The following COL8A1 variants were observed in gnomAD, a reference collection of about 807,000 sequenced individuals.
COL8A1 encodes the protein collagen alpha-1(VIII) chain.
A neutral mutation model predicts 42.7 loss-of-function variants in COL8A1; 21 were observed. The ratio of observed to expected loss-of-function variants is 0.49; its 90% CI spans 0.35 to 0.71. The LOEUF (loss-of-function observed/expected upper bound fraction) is 0.71. COL8A1 is among the 30% of genes least tolerant of loss of function. The pLI is 0.01. For missense variants in COL8A1, 788 were observed against 962.4 expected (o/e 0.82, Z 2.40); for synonymous variants, 367 against 369.1 (o/e 0.99, Z 0.06).
At chr3:99,722,287 G>A (rs1388975361) in intron 1 of COL8A1, among the ~76,000 whole-genome samples, 1 of 152,014 alleles carries the variant, frequency 6.6e-6, no homozygotes, top group African/African-American at 2.4e-5. Flanking sequence ...CTTTCCAGTG[G>A]CATAAAATCT....
chr3:99,653,116 T>G (rs1477369603), intron 1 of COL8A1, among the ~76,000 whole-genome samples: 1 of 152,260 alleles, frequency 6.6e-6, no homozygotes, highest in Admixed American at 6.5e-5. Context: ...AAGTGTCTGC[T>G]AGTCAGAAGG....
At position 99,674,017 on chromosome 3, in the gene COL8A1, T is replaced by C. The variant is rs961381662; in HGVS notation, c.-129+35353T>C. ...CATGAGGTCTTTTTGCACAGACATC[T>C]CCATAACCTAGCCCAATGATTTCAT... is the stretch of plus-strand genomic sequence containing the variant. On this transcript the variant is annotated intron_variant, in intron 1 of 3. Coordinates refer to ENST00000652472, the MANE Select transcript of COL8A1 (RefSeq NM_020351.4). Among the ~76,000 whole-genome samples the C allele has an allele frequency of 2.6e-5, 4 of 152,208 alleles. No homozygotes were observed. In the South Asian group the frequency reaches 8.3e-4, roughly 32 times the overall value.
At chr3:99,734,228 C>T (rs1319701155) in intron 1 of COL8A1, among the ~76,000 whole-genome samples, 1 of 141,254 alleles carries the variant, frequency 7.1e-6, no homozygotes, top group African/African-American at 2.8e-5. Context: ...CTTGCCCATG[C>T]CTATGTCCTG....
intron 1 of COL8A1, among the ~76,000 whole-genome samples, chr3:99,702,084 T>C (rs183941919): frequency 2.0e-5 from 3 of 152,324 alleles, no homozygotes; most frequent in Admixed American, 6.5e-5. Context: ...TTCTGCTAAC[T>C]GTCTCCCAGC....
chr3:99,791,561 A>C (rs766647114), intron 3 of COL8A1, among the ~76,000 whole-genome samples: 1 of 152,262 alleles, frequency 6.6e-6, no homozygotes, highest in African/African-American at 2.4e-5. Context: ...TATAGACTGC[A>C]TCTAGGGATG....
At chr3:99,743,325 T>G (rs1424102240) in intron 1 of COL8A1, among the ~76,000 whole-genome samples, 1 of 152,224 alleles carries the variant, frequency 6.6e-6, no homozygotes, top group African/African-American at 2.4e-5. Context: ...AAATCACCTA[T>G]GGCTAAACCA....
At chr3:99,771,136 G>A (rs1272223634) in intron 2 of COL8A1, among the ~76,000 whole-genome samples, 1 of 152,114 alleles carries the variant, frequency 6.6e-6, no homozygotes, top group Non-Finnish European at 1.5e-5. Context: ...TTCAACAGGT[G>A]GAAATGGAAT....
intron 1 of COL8A1, among the ~76,000 whole-genome samples, chr3:99,743,316 A>G (rs1337134703): frequency 1.3e-5 from 2 of 152,238 alleles, no homozygotes; most frequent in Admixed American, 6.5e-5. Flanking sequence ...AAGTTTCTCA[A>G]ATCACCTATG....
At chr3:99,739,230 C>T (rs777031530) in intron 1 of COL8A1, among the ~76,000 whole-genome samples, 8 of 152,324 alleles carry the variant, frequency 5.3e-5, no homozygotes, top group African/African-American at 1.2e-4. Flanking sequence ...TGTTCCTATT[C>T]GGCCATCTTG....
At chr3:99,714,757 A>G (rs1464802065) in intron 1 of COL8A1, among the ~76,000 whole-genome samples, 1 of 152,126 alleles carries the variant, frequency 6.6e-6, no homozygotes, top group Non-Finnish European at 1.5e-5. Flanking sequence ...CTCACACTCT[A>G]GTGGAAAGAC....
intron 1 of COL8A1, among the ~76,000 whole-genome samples, chr3:99,737,357 G>A (rs951838828): frequency 1.6e-4 from 24 of 151,994 alleles, no homozygotes; most frequent in South Asian, 4.2e-4. Flanking sequence ...ATTTTGCAGC[G>A]GCTGGTACCG....
chr3:99,671,649 C>CTTTT (rs972770091), intron 1 of COL8A1, among the ~76,000 whole-genome samples: 1 of 151,946 alleles, frequency 6.6e-6, no homozygotes, highest in Admixed American at 6.6e-5. Flanking sequence ...ATGAGTTTGA[C>CTTTT]TTTTTTATAC....
In COL8A1 at chr3:99,754,928, C is replaced by T. The variant is rs576445741; in HGVS notation, c.-4+9907C>T. 2.0e-5 allele frequency among the ~76,000 whole-genome samples: 3 copies of T among 152,248 alleles called. No individual in the cohort carries two copies. The East Asian group carries it at 5.8e-4, about 29-fold the overall frequency. On this transcript the variant is annotated intron_variant, in intron 2 of 3. Transcript: ENST00000652472. ...GTAACATGCTAAGACTTGCTGGCATCAAATTCATGGTAATGAAGGAAAAAT... is the reference window on the plus strand; with the variant it reads ...GTAACATGCTAAGACTTGCTGGCATTAAATTCATGGTAATGAAGGAAAAAT...
intron 1 of COL8A1, among the ~76,000 whole-genome samples, chr3:99,688,276 A>C (rs1006133818): frequency 6.6e-6 from 1 of 152,172 alleles, no homozygotes; most frequent in Non-Finnish European, 1.5e-5. Flanking sequence ...AAATCCACAA[A>C]AGTTTTACAG....
intron 2 of COL8A1, among the ~76,000 whole-genome samples, chr3:99,784,824 C>T (rs1211738007): frequency 6.6e-6 from 1 of 152,074 alleles, no homozygotes; most frequent in Non-Finnish European, 1.5e-5. Flanking sequence ...AAATAAAAAA[C>T]AATGTTGAGA....
intron 2 of COL8A1, among the ~76,000 whole-genome samples, chr3:99,775,361 T>C (rs148334333): frequency 2.0e-3 from 306 of 152,208 alleles, no homozygotes; most frequent in African/African-American, 6.9e-3. Context: ...TGTGCATGTT[T>C]GGGAAGCACG....
intron 2 of COL8A1, among the ~76,000 whole-genome samples, chr3:99,773,576 C>A (rs1293085036): frequency 6.6e-6 from 1 of 151,646 alleles, no homozygotes; most frequent in Non-Finnish European, 1.5e-5. Context: ...AAAGGAAAAG[C>A]TTTAGGTAAA....
In COL8A1 at chr3:99,794,479, C is replaced by G. The variant is rs768122419; in HGVS notation, c.578C>G (p.Pro193Arg). ...QKGEIGPMGI[P>R]GPQGPPGPHG... ...GGGGAAATTGGGCCTATGGGGATCC[C>G]AGGACCACAAGGACCTCCAGGGCCT... The change falls in exon 4 of 4, where the codon CCA becomes CGA. Residue 193 changes from proline to arginine, a missense_variant. Pro to Arg is a moderately radical substitution (Grantham distance 103). This residue lies in a region of COL8A1 where 421 missense variants were observed against 553.1 expected (regional missense o/e 0.76). Coordinates refer to ENST00000652472, the MANE Select transcript of COL8A1 (RefSeq NM_020351.4). This position sits in a 1 kb window ranked among gnomAD's most constrained non-coding sequence, Gnocchi z 4.3. 3.7e-5 allele frequency: 59 copies of G among 1,613,904 alleles called. No individual in the cohort carries two copies. The highest frequency in any genetic ancestry group is 4.5e-5 in the Non-Finnish European group (53 of 1,179,960).
At chr3:99,784,288 AT>A (rs1202703319) in intron 2 of COL8A1, among the ~76,000 whole-genome samples, 2 of 152,230 alleles carry the variant, frequency 1.3e-5, no homozygotes, top group Non-Finnish European at 2.9e-5. Context: ...AAAATAATCA[AT>A]CATATAAATA....
Sources: allele counts gnomAD v4.1 joint callset (sites outside exome capture counted in the v4.1 genomes callset), GRCh38; gene constraint gnomAD v4.1.1; regional missense constraint gnomAD v4.1.1; non-coding constraint Gnocchi (gnomAD v3.1); transcripts MANE v1.5; gene names NCBI Gene and HGNC (gene_info 2026-07-23, HGNC 2026-07-21).